RPS6KC1: variants seen among roughly 807,000 people sequenced by gnomAD.
The protein encoded by RPS6KC1 is ribosomal protein S6 kinase C1.
RPS6KC1 carries 54 observed loss-of-function variants against 103.8 expected under a neutral mutation model. The ratio of observed to expected loss-of-function variants is 0.52; its 90% CI spans 0.42 to 0.65. The LOEUF is 0.65. Among genes scored for constraint, RPS6KC1 ranks in the 30% least tolerant of loss-of-function variants. The pLI, the probability that RPS6KC1 is intolerant of heterozygous loss-of-function variation, is 0.00. For missense variants in RPS6KC1, 1,151 were observed against 1,253.8 expected (o/e 0.92, Z 1.24); for synonymous variants, 439 against 438.7 (o/e 1.00, Z -0.01).
the RPS6KC1 span, among the ~76,000 whole-genome samples, chr1:213,811,365 A>G: frequency 3.9e-5 from 6 of 152,218 alleles, no homozygotes; most frequent in East Asian, 9.7e-4. Context: ...ACAGTATGTC[A>G]TTTATCTCTG....
intron 6 of RPS6KC1, among the ~76,000 whole-genome samples, chr1:213,152,429 C>A (rs1199152067): frequency 6.6e-6 from 1 of 150,552 alleles, no homozygotes; most frequent in East Asian, 2.0e-4. Context: ...CGGAGACGCT[C>A]CTCACTTCCC....
chr1:213,591,661 C>A, the RPS6KC1 span, among the ~76,000 whole-genome samples: 1 of 152,156 alleles, frequency 6.6e-6, no homozygotes, highest in African/African-American at 2.4e-5. Context: ...ACTGGGGCCC[C>A]TGGGTAGCAG....
chr1:213,330,512 C>A, the RPS6KC1 span, among the ~76,000 whole-genome samples: 4 of 152,162 alleles, frequency 2.6e-5, no homozygotes, highest in Non-Finnish European at 4.4e-5. Flanking sequence ...ATTCTAGATC[C>A]GTGTGCAATC....
the RPS6KC1 span, among the ~76,000 whole-genome samples, chr1:213,284,335 G>A: frequency 1.3e-5 from 2 of 152,148 alleles, no homozygotes; most frequent in African/African-American, 4.8e-5. Flanking sequence ...GGCCAACATG[G>A]CGAAACCGTG....
chr1:213,403,288 C>T, the RPS6KC1 span, among the ~76,000 whole-genome samples: 3 of 152,142 alleles, frequency 2.0e-5, no homozygotes, highest in African/African-American at 7.2e-5. Context: ...ACTGGGGAGT[C>T]CTGCTGGGAG....
intron 6 of RPS6KC1, among the ~76,000 whole-genome samples, chr1:213,133,942 C>CT (rs2085959458): frequency 6.6e-6 from 1 of 152,006 alleles, no homozygotes; most frequent in Non-Finnish European, 1.5e-5. Context: ...TATTTGAAAA[C>CT]TTTCTTATTT....
chr1:213,698,009 T>A, the RPS6KC1 span, among the ~76,000 whole-genome samples: 1 of 152,234 alleles, frequency 6.6e-6, no homozygotes, highest in Non-Finnish European at 1.5e-5. Flanking sequence ...ATTTCTACAT[T>A]GCCAGACTAA....
At chr1:213,701,483 A>ATTG in the RPS6KC1 span, among the ~76,000 whole-genome samples, 1 of 151,932 alleles carries the variant, frequency 6.6e-6, no homozygotes, top group African/African-American at 2.4e-5. Flanking sequence ...TTTTGTATTA[A>ATTG]TATTCAAGTA....
At chr1:213,812,284 G>C in the RPS6KC1 span, among the ~76,000 whole-genome samples, 1 of 152,174 alleles carries the variant, frequency 6.6e-6, no homozygotes, top group Non-Finnish European at 1.5e-5. Flanking sequence ...AAGATTCCAT[G>C]TCCTCTTTTT....
At chr1:213,614,055 C>T in the RPS6KC1 span, among the ~76,000 whole-genome samples, 92 of 152,316 alleles carry the variant, frequency 6.0e-4, no homozygotes, top group African/African-American at 1.8e-3. Flanking sequence ...TATTTCTGGA[C>T]GTGTGTCTGT....
the RPS6KC1 span, among the ~76,000 whole-genome samples, chr1:213,398,062 T>C: frequency 0.026 from 3,914 of 151,652 alleles, 175 homozygotes; most frequent in African/African-American, 0.09. Context: ...GATGGAGTCT[T>C]GCTCTGTCAC....
At chr1:213,601,435 AAT>A in the RPS6KC1 span, among the ~76,000 whole-genome samples, 1 of 147,738 alleles carries the variant, frequency 6.8e-6, no homozygotes, top group Non-Finnish European at 1.5e-5. Flanking sequence ...TATATTCATA[AAT>A]ATATATATGT....
the RPS6KC1 span, among the ~76,000 whole-genome samples, chr1:213,281,189 T>G: frequency 6.6e-6 from 1 of 152,248 alleles, no homozygotes; most frequent in Admixed American, 6.5e-5. Flanking sequence ...ATCTTCAGAC[T>G]GCAGAGGCCC....
chr1:213,511,883 G>A, the RPS6KC1 span, among the ~76,000 whole-genome samples: 2 of 151,896 alleles, frequency 1.3e-5, no homozygotes, highest in Admixed American at 6.6e-5. Flanking sequence ...TCATTTACTC[G>A]TTTTTATGTT....
At chr1:213,299,601 G>A in the RPS6KC1 span, among the ~76,000 whole-genome samples, 1 of 148,336 alleles carries the variant, frequency 6.7e-6, no homozygotes, top group Non-Finnish European at 1.5e-5. Flanking sequence ...GCAATTTCAA[G>A]CTTTCTAGTG....
the RPS6KC1 span, among the ~76,000 whole-genome samples, chr1:213,443,369 C>T: frequency 3.3e-5 from 5 of 152,254 alleles, no homozygotes; most frequent in South Asian, 4.2e-4. Context: ...CTGTGATGTC[C>T]GTGATGTTCA....
chr1:213,114,663 T>C (rs1037763390), intron 4 of RPS6KC1, among the ~76,000 whole-genome samples: 3 of 151,942 alleles, frequency 2.0e-5, no homozygotes, highest in African/African-American at 7.2e-5. Context: ...TTCCAGTTTT[T>C]GCCCATTCAG....
At chr1:213,057,483 C>A (rs2077429176) in intron 1 of RPS6KC1, among the ~76,000 whole-genome samples, 2 of 152,068 alleles carry the variant, frequency 1.3e-5, no homozygotes, top group South Asian at 4.2e-4. Context: ...AAAACTCCAC[C>A]CTTCCCCCTA....
intron 4 of RPS6KC1, among the ~76,000 whole-genome samples, chr1:213,116,069 C>G (rs1371915477): frequency 2.0e-5 from 3 of 151,790 alleles, no homozygotes; most frequent in Non-Finnish European, 4.4e-5. Flanking sequence ...TCTATTAGGT[C>G]CGCTTGGTGC....
Sources: allele counts gnomAD v4.1 joint callset (sites outside exome capture counted in the v4.1 genomes callset), GRCh38; gene constraint gnomAD v4.1.1; transcripts MANE v1.5; gene names NCBI Gene and HGNC (gene_info 2026-07-23, HGNC 2026-07-21).